The following NFX1 variants were observed in gnomAD, a reference collection of about 807,000 sequenced individuals.
The protein encoded by NFX1 is transcriptional repressor NF-X1.
Under a neutral mutation model 137.2 loss-of-function variants are expected in NFX1, and 69 were observed. The observed-to-expected ratio is 0.50, with a 90% confidence interval of 0.41 to 0.61. The LOEUF (loss-of-function observed/expected upper bound fraction) is 0.61, where lower values mean the gene tolerates loss of function less well. NFX1 is among the 20% of genes least tolerant of loss of function. NFX1 has a pLI of 0.00. For synonymous variants in NFX1, 495 were observed against 474.1 expected (o/e 1.04, Z -0.57); for missense variants, 1,167 against 1,391.0 (o/e 0.84, Z 2.56).
intron 4 of NFX1, among the ~76,000 whole-genome samples, chr9:33,306,680 T>G (rs1471523221): frequency 2.0e-5 from 3 of 152,194 alleles, no homozygotes; most frequent in Non-Finnish European, 4.4e-5. Context: ...CATGAAGATT[T>G]GCAGTGACAT....
At chr9:33,369,221 A>G (rs1388073872) in intron 23 of NFX1, among the ~76,000 whole-genome samples, 1 of 151,804 alleles carries the variant, frequency 6.6e-6, no homozygotes, top group Non-Finnish European at 1.5e-5. Context: ...GCCTGCCACC[A>G]CGCCCGGCTA....
chr9:33,312,657 G>A (rs1007541891), intron 6 of NFX1, among the ~76,000 whole-genome samples: 1 of 152,238 alleles, frequency 6.6e-6, no homozygotes, highest in African/African-American at 2.4e-5. Context: ...GATCACTTGA[G>A]GTTAAGAGTT....
rs374444090 is a variant in NFX1, at chr9:33,351,555, C to T, written c.2425-5C>T. ...TGAGAATCTGGCTACTTCTGTCTCT[C>T]CTAGTTTCGGAGCAACATCCCCTGT... On this transcript the variant is annotated splice_region_variant and splice_polypyrimidine_tract_variant and intron_variant, in intron 15 of 23. Transcript: ENST00000379540. The T allele has an allele frequency of 3.7e-5, 59 of 1,614,006 alleles. No individual in the cohort carries two copies. In the Middle Eastern group the frequency reaches 8.3e-4, roughly 23 times the overall value.
At position 33,369,962 on chromosome 9, in the gene NFX1, T is replaced by C. The variant is rs1487539361; in HGVS notation, c.3347T>C (p.Phe1116Ser). 1.9e-6 allele frequency: 3 copies of C among 1,612,960 alleles called. No homozygotes were observed. Among genetic ancestry groups the C allele is most frequent in the African/African-American group, 1.3e-5 (1 of 74,894 alleles). Residue 1116 changes from phenylalanine to serine, a missense_variant, in exon 24 of 24, where the codon TTT (phenylalanine) becomes TCT (serine). Around this residue, in one of 3 missense-constraint regions of NFX1, gnomAD observed 312 missense variants for 312.8 expected, o/e 1.00. Coordinates refer to ENST00000379540, the MANE Select transcript of NFX1 (RefSeq NM_002504.6). Reference protein sequence around the residue: ...KITKEPIIDYFDVQD With the variant: ...KITKEPIIDYSDVQD ...ACCAAGGAGCCAATAATTGACTATT[T>C]TGACGTCCAGGACTAAGAAGATCAT... is the stretch of plus-strand genomic sequence containing the variant.
chr9:33,365,500 CAG>C lies in NFX1; in HGVS notation c.3039+727_3039+728del, dbSNP rs1824143241. On this transcript the variant is annotated intron_variant, in intron 21 of 23. Coordinates refer to ENST00000379540, the MANE Select transcript of NFX1 (RefSeq NM_002504.6). The stretch of plus-strand genomic sequence containing the variant: ...GTGCACACCCATAATCCCAGCTACT[CAG>C]GGGGCTGAGGCAGGAGGATTGCTTA... 3 of 152,154 alleles carry C rather than the reference CAG, an allele frequency of 2.0e-5. No homozygotes were observed. The South Asian group carries it at 6.2e-4, about 32-fold the overall frequency. The allele number at this position is 152,154 out of a possible 1,614,324, so 9.4% of individuals were successfully genotyped here.
intron 12 of NFX1, among the ~76,000 whole-genome samples, chr9:33,341,693 C>T (rs189155413): frequency 1.3e-3 from 194 of 152,190 alleles, no homozygotes; most frequent in Non-Finnish European, 1.7e-3. Context: ...TTTTTGAGGC[C>T]GAGGTGGGTG....
At chr9:33,294,238 G>A (rs1205774618) in intron 1 of NFX1, among the ~76,000 whole-genome samples, 182 bp from the exon 2 acceptor site, 25 of 152,210 alleles carry the variant, frequency 1.6e-4, no homozygotes, top group Non-Finnish European at 5.9e-5. Flanking sequence ...ATGGAATAAT[G>A]ATTGATTAGT....
At chr9:33,300,877 C>CT (rs1821537210) in intron 2 of NFX1, among the ~76,000 whole-genome samples, 2 of 152,248 alleles carry the variant, frequency 1.3e-5, no homozygotes, top group Non-Finnish European at 2.9e-5. Context: ...TCACGAGCCT[C>CT]TTTCTAACCT....
At chr9:33,313,838 G>A (rs1485748435) in intron 7 of NFX1, 45 bp downstream of exon 7, 2 of 1,585,676 alleles carry the variant, frequency 1.3e-6, no homozygotes, top group South Asian at 1.1e-5. Flanking sequence ...GTTCTTTTCT[G>A]GAACCTTATT....
intron 9 of NFX1, among the ~76,000 whole-genome samples, chr9:33,320,190 C>T (rs1025231080): frequency 4.6e-5 from 7 of 152,004 alleles, no homozygotes; most frequent in African/African-American, 7.3e-5. Context: ...GTCTTGAACT[C>T]CTGACCTTGG....
intron 12 of NFX1, among the ~76,000 whole-genome samples, chr9:33,342,394 G>A (rs756698809): frequency 3.3e-5 from 5 of 152,072 alleles, no homozygotes; most frequent in East Asian, 1.9e-4. Flanking sequence ...CCTGGGAGGC[G>A]GAACTTGCAG....
At chr9:33,307,565 C>T (rs1010281637) in intron 5 of NFX1, among the ~76,000 whole-genome samples, 2 of 152,164 alleles carry the variant, frequency 1.3e-5, no homozygotes, top group African/African-American at 2.4e-5. Context: ...ATCACAGTGG[C>T]AGGGCGTGGA....
chr9:33,322,801 T>TG (rs1232787860), intron 9 of NFX1, among the ~76,000 whole-genome samples: 1 of 152,114 alleles, frequency 6.6e-6, no homozygotes, highest in Admixed American at 6.6e-5. Context: ...TGAAACAGTG[T>TG]GGGGAAGTAC....
rs1380039536 is a variant in NFX1, at chr9:33,294,686, A to C, written c.292A>C (p.Ser98Arg). The change falls in exon 2 of 24, where the codon AGC becomes CGC. Residue 98 changes from serine (S) to arginine (R), a missense_variant. Physicochemically the swap from Ser to Arg is moderately radical, Grantham distance 110. Transcript: ENST00000379540. ...CTCTCCTTGTAATAAATCGCCCAAG[A>C]GCCATGGCCTTCAGAATCAACCTTG... Reference protein sequence around the residue: ...QSSPCNKSPKSHGLQNQPWQK... With the variant: ...QSSPCNKSPKRHGLQNQPWQK... 1 of 1,614,018 alleles carries C rather than the reference A, an allele frequency of 6.2e-7. No individual in the cohort carries two copies. The highest frequency in any genetic ancestry group is 1.3e-5 in the African/African-American group (1 of 74,908).
intron 2 of NFX1, among the ~76,000 whole-genome samples, chr9:33,296,764 C>A (rs768518848): frequency 6.6e-6 from 1 of 152,124 alleles, no homozygotes; most frequent in East Asian, 1.9e-4. Flanking sequence ...GTCCAGGGAA[C>A]CTTTTCTCAC....
chr9:33,332,248 G>T (rs1822833310), intron 10 of NFX1, among the ~76,000 whole-genome samples: 1 of 152,114 alleles, frequency 6.6e-6, no homozygotes, highest in South Asian at 2.1e-4. Flanking sequence ...TGTTAGAATT[G>T]TATTTTCATG....
chr9:33,305,127 CAG>C lies in NFX1; in HGVS notation c.1270+1862_1270+1863del, dbSNP rs1821707023. 2.6e-5 allele frequency among the ~76,000 whole-genome samples: 4 copies of C among 152,212 alleles called. No homozygotes were observed. The South Asian group carries it at 8.3e-4, about 32-fold the overall frequency. ...TAATGTTCAAGGCACTGTGAAGAAACAGAGGCGAATAAAACGGTTAACTTACC... is the reference window on the plus strand; with the variant it reads ...TAATGTTCAAGGCACTGTGAAGAAACAGGCGAATAAAACGGTTAACTTACC... On this transcript the variant is annotated intron_variant, in intron 4 of 23. Transcript: ENST00000379540.
chr9:33,318,580 AG>A, intron 7 of NFX1, 150 bp from the exon 8 acceptor site: 1 of 669,544 alleles, frequency 1.5e-6, no homozygotes, highest in Non-Finnish European at 2.6e-6. Context: ...ATTTCTGCAT[AG>A]GTCTGATCAG....
intron 9 of NFX1, among the ~76,000 whole-genome samples, chr9:33,328,192 G>GC (rs1042524935): frequency 2.7e-5 from 4 of 148,994 alleles, no homozygotes; most frequent in Non-Finnish European, 4.5e-5. Flanking sequence ...TTGTTTTTGT[G>GC]CTTTTTTTTT....
Sources: allele counts gnomAD v4.1 joint callset (sites outside exome capture counted in the v4.1 genomes callset), GRCh38; gene constraint gnomAD v4.1.1; regional missense constraint gnomAD v4.1.1; transcripts MANE v1.5; gene names NCBI Gene and HGNC (gene_info 2026-07-23, HGNC 2026-07-21).